GNAI3: variants seen among roughly 807,000 people sequenced by gnomAD.
GNAI3 encodes guanine nucleotide-binding protein G(i) subunit alpha-3.
In GNAI3, 12 loss-of-function variants were observed where a neutral mutation model predicts 41.8. That is an observed-to-expected ratio of 0.29 (90% CI 0.18 to 0.47). The LOEUF (loss-of-function observed/expected upper bound fraction) is 0.47. Among genes scored for constraint, GNAI3 ranks in the 20% least tolerant of loss-of-function variants. The probability of loss-of-function intolerance (pLI) is 1.00; values close to 1 mark genes in which losing one functional copy is unlikely to be tolerated. For missense variants in GNAI3, 360 were observed against 429.6 expected (o/e 0.84, Z 1.43); for synonymous variants, 132 against 146.5 (o/e 0.90, Z 0.71).
chr1:109,548,802 GA>G lies in GNAI3; in HGVS notation c.87del (p.Ala30ArgfsTer5). 6.2e-7 allele frequency: 1 copy of G among 1,611,912 alleles called. No homozygotes were observed. Among genetic ancestry groups the G allele is most frequent in the Non-Finnish European group, 8.5e-7 (1 of 1,178,820 alleles). On this transcript the variant is annotated frameshift_variant, in exon 1 of 9. Coordinates refer to ENST00000369851, the MANE Select transcript of GNAI3 (RefSeq NM_006496.4). LOFTEE classifies it high-confidence loss of function. ...MIDRNLREDG[E>X]KAAKEVKLLL... ...CGACCGCAACTTACGGGAGGACGGG[GA>G]AAAAGCGGCCAAAGAAGTGAAGCTG...
intron 3 of GNAI3, among the ~76,000 whole-genome samples, chr1:109,575,337 C>T (rs1380310924): frequency 6.6e-6 from 1 of 151,784 alleles, no homozygotes; most frequent in African/African-American, 2.4e-5. Context: ...CTCCCTATCA[C>T]CTAACTCTAC....
At chr1:109,591,952 C>T in intron 7 of GNAI3, 91 bp from the exon 8 acceptor site, 1 of 664,884 alleles carries the variant, frequency 1.5e-6, no homozygotes, top group East Asian at 2.6e-5. Context: ...GGGTTATGTT[C>T]CCTCTCCATA....
intron 1 of GNAI3, among the ~76,000 whole-genome samples, chr1:109,564,878 G>A (rs139650935): frequency 6.6e-5 from 10 of 152,226 alleles, no homozygotes; most frequent in East Asian, 3.9e-4. Flanking sequence ...TTTGGTAATC[G>A]GTATGTGATT....
intron 1 of GNAI3, among the ~76,000 whole-genome samples, chr1:109,558,933 CT>C (rs907087817): frequency 6.6e-6 from 1 of 152,060 alleles, no homozygotes. Flanking sequence ...AATCCCAGCA[CT>C]TTGGGAGGCC....
chr1:109,592,043 G>T lies in GNAI3; in HGVS notation c.875G>T (p.Gly292Val), dbSNP rs1649186242. Residue 292 changes from glycine (G) to valine (V), a missense_variant and splice_region_variant, in exon 8 of 9, where the codon GGT becomes GTT. Gly to Val is a moderately radical substitution (Grantham distance 109). Coordinates refer to ENST00000369851, the MANE Select transcript of GNAI3 (RefSeq NM_006496.4). ...PLTICYPEYT[G>V]SNTYEEAAAY... ...TGAGAGTACTGGGTGTCCGTTTTAG[G>T]TTCCAATACATATGAAGAGGCAGCT... 9 of 1,602,152 alleles carry T rather than the reference G, an allele frequency of 5.6e-6. No homozygotes were observed. Among genetic ancestry groups the T allele is most frequent in the African/African-American group, 1.3e-5 (1 of 74,612 alleles).
chr1:109,573,712 A>C lies in GNAI3; in HGVS notation c.119-25A>C, dbSNP rs747597571. On this transcript the variant is annotated intron_variant, in intron 1 of 8. Coordinates refer to ENST00000369851, the MANE Select transcript of GNAI3 (RefSeq NM_006496.4). Reference sequence around the variant, plus strand: ...TTTTATGTTGATTACCGAGAAATTCAAAGTCTGGTTTTCTTTTCTTACAGG... The same window carrying C: ...TTTTATGTTGATTACCGAGAAATTCCAAGTCTGGTTTTCTTTTCTTACAGG... 5 of 1,575,062 alleles carry C rather than the reference A, an allele frequency of 3.2e-6. No individual in the cohort carries two copies. In the East Asian group the frequency reaches 9.0e-5, roughly 28 times the overall value.
In GNAI3 at chr1:109,569,281, C is replaced by T. The variant is rs528307038; in HGVS notation, c.119-4456C>T. Among the ~76,000 whole-genome samples, 13 of 152,334 alleles carry T rather than the reference C, an allele frequency of 8.5e-5. No individual in the cohort carries two copies. In the East Asian group the frequency reaches 2.5e-3, roughly 29 times the overall value. ...CCATCCCTTCTGCATACAGAGTCCT[C>T]TTCAGTTCCTCCCTTTTGAAGCCAT... is the stretch of plus-strand genomic sequence containing the variant. On this transcript the variant is annotated intron_variant, in intron 1 of 8. Coordinates refer to ENST00000369851, the MANE Select transcript of GNAI3 (RefSeq NM_006496.4).
At chr1:109,571,375 C>T (rs1299595987) in intron 1 of GNAI3, among the ~76,000 whole-genome samples, 1 of 152,154 alleles carries the variant, frequency 6.6e-6, no homozygotes, top group Admixed American at 6.5e-5. Context: ...ACAGTATACA[C>T]CAGCTTTGGA....
chr1:109,574,114 GTT>G, intron 3 of GNAI3, 77 bp downstream of exon 3: 1 of 1,024,962 alleles, frequency 9.8e-7, no homozygotes, highest in Non-Finnish European at 1.4e-6. Context: ...TTTGCTTCAT[GTT>G]TTAGGGAAAT....
chr1:109,580,656 A>G (rs1265507557), intron 4 of GNAI3, among the ~76,000 whole-genome samples: 2 of 152,200 alleles, frequency 1.3e-5, no homozygotes, highest in Non-Finnish European at 2.9e-5. Flanking sequence ...ACAGCATGTT[A>G]TTGTACTAAA....
chr1:109,578,470 CAAAAAAAAAA>C (rs35519193), intron 3 of GNAI3, among the ~76,000 whole-genome samples: 1 of 84,312 alleles, frequency 1.2e-5, no homozygotes, highest in Non-Finnish European at 2.3e-5. Flanking sequence ...AACTCCGTCT[CAAAAAAAAAA>C]AAAAAAAAAA....
intron 6 of GNAI3, 25 bp from the exon 7 acceptor site, chr1:109,586,704 C>A: frequency 6.4e-7 from 1 of 1,552,790 alleles, no homozygotes; most frequent in South Asian, 1.1e-5. Context: ...TGCTACTGAC[C>A]TATCATCCTT....
At chr1:109,569,813 T>C (rs1306754240) in intron 1 of GNAI3, among the ~76,000 whole-genome samples, 1 of 144,826 alleles carries the variant, frequency 6.9e-6, no homozygotes, top group Non-Finnish European at 1.5e-5. Context: ...GGGTTTTTTG[T>C]TTTTTTTTTT....
At chr1:109,574,954 G>A (rs1237970931) in intron 3 of GNAI3, among the ~76,000 whole-genome samples, 1 of 152,202 alleles carries the variant, frequency 6.6e-6, no homozygotes, top group African/African-American at 2.4e-5. Flanking sequence ...TTGATAAAAA[G>A]ATAGGAAATT....
chr1:109,553,700 G>C (rs1408832053), intron 1 of GNAI3, among the ~76,000 whole-genome samples: 1 of 152,116 alleles, frequency 6.6e-6, no homozygotes, highest in Admixed American at 6.5e-5. Context: ...TTATTTAAAT[G>C]CATTAGTCAC....
intron 7 of GNAI3, among the ~76,000 whole-genome samples, chr1:109,589,542 A>G (rs770864886): frequency 6.6e-5 from 10 of 152,226 alleles, no homozygotes; most frequent in African/African-American, 9.6e-5. Flanking sequence ...ATACATTAAA[A>G]AACAGATGTA....
At position 109,574,026 on chromosome 1, in the gene GNAI3, G is replaced by C; in HGVS notation, c.292G>C (p.Ala98Pro). ...ACGGCTAAAGATTGACTTTGGGGAAGCTGCCAGGGCAGTAAGTGTTTCTCA... is the reference window on the plus strand; with the variant it reads ...ACGGCTAAAGATTGACTTTGGGGAACCTGCCAGGGCAGTAAGTGTTTCTCA... ...MGRLKIDFGEAARADDARQLF... is the reference protein window; with the variant it reads ...MGRLKIDFGEPARADDARQLF... Residue 98 changes from alanine to proline, a missense_variant, in exon 3 of 9, where the codon GCT becomes CCT. Ala to Pro is a conservative substitution (Grantham distance 27, BLOSUM62 -1). Coordinates refer to ENST00000369851, the MANE Select transcript of GNAI3 (RefSeq NM_006496.4). 1 of 1,608,990 alleles carries C rather than the reference G, an allele frequency of 6.2e-7. No individual in the cohort carries two copies.
At chr1:109,591,575 GC>G (rs1421207592) in intron 7 of GNAI3, 1 of 619,436 alleles carries the variant, frequency 1.6e-6, no homozygotes, top group African/African-American at 1.9e-5. Context: ...TCATCCTTGC[GC>G]GGGGACTGTG....
At chr1:109,554,182 C>T (rs1286397233) in intron 1 of GNAI3, among the ~76,000 whole-genome samples, 2 of 152,064 alleles carry the variant, frequency 1.3e-5, no homozygotes, top group Admixed American at 1.3e-4. Context: ...AATTGTGCTG[C>T]TATAAACATG....
Sources: gnomAD v4.1 joint callset for allele counts (sites outside exome capture counted in the v4.1 genomes callset) on GRCh38, gnomAD v4.1.1 for gene constraint, MANE v1.5 for transcripts, NCBI Gene and HGNC (gene_info 2026-07-23, HGNC 2026-07-21) for gene names.